The following ATAD2B variants were observed in gnomAD, a reference collection of about 807,000 sequenced individuals.
ATAD2B encodes the protein ATPase family AAA domain-containing protein 2B.
Under a neutral mutation model 167.6 loss-of-function variants are expected in ATAD2B, and 40 were observed. The observed-to-expected ratio is 0.24, with a 90% CI of 0.19 to 0.31. ATAD2B has a LOEUF of 0.31. Ranked by LOEUF, ATAD2B falls within the 10% of genes least tolerant of loss-of-function variation. The pLI, the probability that ATAD2B is intolerant of heterozygous loss-of-function variation, is 1.00. For synonymous variants in ATAD2B, 579 were observed against 596.5 expected, an observed-to-expected ratio of 0.97 and a Z score of 0.43; for missense variants, 1,242 against 1,757.2, an observed-to-expected ratio of 0.71 and a Z score of 5.24.
At position 23,890,201 on chromosome 2, in the gene ATAD2B, C is replaced by A. The variant is rs1012313493; in HGVS notation, c.369-1802G>T. On this transcript the variant is annotated intron_variant, in intron 2 of 27. Transcript: ENST00000238789. The stretch of plus-strand genomic sequence containing the variant: ...CTGCACTCCAGCCTGGGTGACAGAG[C>A]GAGACTCCGTCTAAAAACAAAAAAT... Among the ~76,000 whole-genome samples the A allele has an allele frequency of 5.9e-5, 9 of 151,896 alleles. No individual in the cohort carries two copies. The East Asian group carries it at 1.7e-3, about 29-fold the overall frequency.
intron 1 of ATAD2B, among the ~76,000 whole-genome samples, chr2:23,903,258 A>AAATAAATAAATAAATAAATG (rs2150434153): frequency 1.3e-5 from 2 of 151,762 alleles, no homozygotes; most frequent in East Asian, 3.9e-4. Context: ...ATAAATAAAT[A>AAATAAATAAATAAATAAATG]AATAAATAAA....
At chr2:23,762,157 A>C in intron 24 of ATAD2B, 52 bp downstream of exon 24, 1 of 1,579,854 alleles carries the variant, frequency 6.3e-7, no homozygotes, top group Middle Eastern at 1.7e-4. Context: ...TAACATATCT[A>C]CATCATTCTC....
rs1233510216 is a variant in ATAD2B, at chr2:23,926,744, G to C, written c.27C>G (p.Leu9=). Residue 9 remains leucine (L), a synonymous_variant, in exon 1 of 28, where the codon CTC becomes CTG. Coordinates refer to ENST00000238789, the MANE Select transcript of ATAD2B (RefSeq NM_017552.4). ...CAGGAGACTTGGACCCGAGAAGGCG[G>C]AGAGAGCTCTTCCGGGTGTTCACCA... is the stretch of plus-strand genomic sequence containing the variant. MVNTRKSS[L]RLLGSKSPGP... 5 of 1,547,486 alleles carry C rather than the reference G, an allele frequency of 3.2e-6. No homozygotes were observed. In the East Asian group the frequency reaches 1.2e-4, roughly 38 times the overall value.
chr2:23,747,057 A>G (rs2149281293), downstream of ATAD2B, among the ~76,000 whole-genome samples: 1 of 152,234 alleles, frequency 6.6e-6, no homozygotes, highest in Middle Eastern at 3.4e-3. Context: ...AAATGAATGA[A>G]AAAATGATTA....
intron 23 of ATAD2B, among the ~76,000 whole-genome samples, chr2:23,763,610 GACA>G (rs1677030329): frequency 1.3e-5 from 2 of 151,986 alleles, no homozygotes; most frequent in African/African-American, 4.8e-5. Flanking sequence ...TTTTTGTTGA[GACA>G]ACATCTTGCT....
At chr2:23,758,664 A>G (rs764105462) in intron 24 of ATAD2B, among the ~76,000 whole-genome samples, 13 of 152,226 alleles carry the variant, frequency 8.5e-5, no homozygotes, top group Admixed American at 6.5e-5. Context: ...TAGATGCCTT[A>G]TGAAGGTTAT....
chr2:23,806,874 T>C (rs548961435), intron 18 of ATAD2B, among the ~76,000 whole-genome samples: 6 of 152,272 alleles, frequency 3.9e-5, no homozygotes, highest in Admixed American at 3.9e-4. Context: ...CAACCACAAC[T>C]GAGATTTTAA....
At chr2:23,891,299 C>T (rs1372978832) in intron 2 of ATAD2B, among the ~76,000 whole-genome samples, 2 of 151,946 alleles carry the variant, frequency 1.3e-5, no homozygotes, top group Admixed American at 6.6e-5. Flanking sequence ...AGATTACAGG[C>T]GTAAGCCACC....
intron 14 of ATAD2B, among the ~76,000 whole-genome samples, chr2:23,833,222 G>T: frequency 6.6e-6 from 1 of 152,308 alleles, no homozygotes; most frequent in East Asian, 1.9e-4. Context: ...AACTAGGTAT[G>T]TAAACCAGGC....
chr2:23,853,100 T>C (rs537290329), intron 13 of ATAD2B, among the ~76,000 whole-genome samples: 3 of 152,134 alleles, frequency 2.0e-5, no homozygotes, highest in East Asian at 1.9e-4. Flanking sequence ...AATCCCTCAA[T>C]GTAATAAAGG....
At chr2:23,879,681 A>T (rs561638496) in intron 7 of ATAD2B, among the ~76,000 whole-genome samples, 2 of 152,262 alleles carry the variant, frequency 1.3e-5, no homozygotes, top group Non-Finnish European at 2.9e-5. Context: ...AAAAGAAAAC[A>T]ACTAAGTTAT....
intron 13 of ATAD2B, among the ~76,000 whole-genome samples, chr2:23,839,012 A>G (rs1469877092): frequency 6.6e-6 from 1 of 152,200 alleles, no homozygotes; most frequent in Non-Finnish European, 1.5e-5. Flanking sequence ...GAGACTTCTT[A>G]GACTTACTCA....
At chr2:23,701,823 A>G in the ATAD2B span, among the ~76,000 whole-genome samples, 2 of 83,038 alleles carry the variant, frequency 2.4e-5, no homozygotes, top group African/African-American at 4.9e-5. Context: ...TTTTTTTCAG[A>G]CGGAGTTTTG....
chr2:23,886,179 C>T (rs1698637094), intron 4 of ATAD2B, among the ~76,000 whole-genome samples: 1 of 152,040 alleles, frequency 6.6e-6, no homozygotes, highest in Admixed American at 6.6e-5. Flanking sequence ...CTCCTGGGCT[C>T]AAGCGATTCA....
chr2:23,791,457 G>C (rs1681706350), intron 19 of ATAD2B, among the ~76,000 whole-genome samples: 2 of 150,006 alleles, frequency 1.3e-5, no homozygotes, highest in Non-Finnish European at 3.0e-5. Flanking sequence ...TATTAGGTTG[G>C]TGCAAAAGCA....
intron 25 of ATAD2B, among the ~76,000 whole-genome samples, chr2:23,756,115 C>T (rs909219297): frequency 1.3e-5 from 2 of 152,094 alleles, no homozygotes; most frequent in African/African-American, 2.4e-5. Flanking sequence ...CCCACCCATT[C>T]GGCCTCATAC....
At chr2:23,800,903 G>A (rs1158302565) in intron 18 of ATAD2B, among the ~76,000 whole-genome samples, 1 of 151,952 alleles carries the variant, frequency 6.6e-6, no homozygotes, top group Non-Finnish European at 1.5e-5. Context: ...AAAAGGCTTC[G>A]CCTTTCTGAT....
chr2:23,860,958 C>T (rs191800700), intron 12 of ATAD2B, among the ~76,000 whole-genome samples: 1 of 151,956 alleles, frequency 6.6e-6, no homozygotes, highest in Admixed American at 6.6e-5. Context: ...GCGACAAAAG[C>T]GAAACTCCAT....
intron 24 of ATAD2B, among the ~76,000 whole-genome samples, chr2:23,760,666 G>GAA (rs1258468761): frequency 1.5e-4 from 14 of 94,448 alleles, no homozygotes; most frequent in African/African-American, 4.6e-4. Context: ...TCTGTCTCAA[G>GAA]AAAAAAAAAA....
Sources: gnomAD v4.1 joint callset for allele counts (sites outside exome capture counted in the v4.1 genomes callset) on GRCh38, gnomAD v4.1.1 for gene constraint, MANE v1.5 for transcripts, NCBI Gene and HGNC (gene_info 2026-07-23, HGNC 2026-07-21) for gene names.